Variants in TM9SF3 observed in about 807,000 individuals in gnomAD.
TM9SF3 encodes the protein transmembrane 9 superfamily member 3.
TM9SF3 carries 14 observed loss-of-function variants against 78.6 expected under a neutral mutation model. The ratio of observed to expected loss-of-function variants is 0.18; its 90% CI spans 0.12 to 0.28. The LOEUF (loss-of-function observed/expected upper bound fraction) is 0.28. Ranked by LOEUF, TM9SF3 falls within the 10% of genes least tolerant of loss-of-function variation. The pLI is 1.00. For missense variants in TM9SF3, 496 were observed against 721.9 expected (o/e 0.69, Z 3.59); for synonymous variants, 231 against 241.7 (o/e 0.96, Z 0.41).
intron 10 of TM9SF3, among the ~76,000 whole-genome samples, chr10:96,531,754 T>C (rs926065580): frequency 1.3e-5 from 2 of 152,100 alleles, no homozygotes; most frequent in African/African-American, 4.8e-5. Context: ...TTGCAATGCA[T>C]CTCTGGTGAG....
At chr10:96,568,587 T>C (rs1204198570) in intron 2 of TM9SF3, among the ~76,000 whole-genome samples, 1 of 152,158 alleles carries the variant, frequency 6.6e-6, no homozygotes, top group South Asian at 2.1e-4. Context: ...GAAAAGAAAG[T>C]GGTAATTATT....
chr10:96,560,525 G>C, intron 4 of TM9SF3: 1 of 715,068 alleles, frequency 1.4e-6, no homozygotes, highest in South Asian at 1.3e-5. Context: ...TTAGTGGACA[G>C]CATTTAGTAG....
At chr10:96,568,681 C>T (rs1848405766) in intron 2 of TM9SF3, among the ~76,000 whole-genome samples, 1 of 152,080 alleles carries the variant, frequency 6.6e-6, no homozygotes, top group Non-Finnish European at 1.5e-5. Flanking sequence ...GAGAAACAGT[C>T]TACCTCTAAT....
chr10:96,565,465 G>T, intron 2 of TM9SF3, 39 bp from the exon 3 acceptor site: 1 of 1,501,060 alleles, frequency 6.7e-7, no homozygotes, highest in South Asian at 1.4e-5. Context: ...CCACTAGTTT[G>T]CAAAATAGTT....
chr10:96,549,815 TTTAAAA>T (rs1289847246), intron 7 of TM9SF3, among the ~76,000 whole-genome samples: 2 of 12,164 alleles, frequency 1.6e-4, no homozygotes, highest in Admixed American at 1.4e-3. Flanking sequence ...GCTTCTGCAT[TTTAAAA>T]AAAAAAAAAA....
chr10:96,565,977 T>C (rs2098601794), intron 2 of TM9SF3, among the ~76,000 whole-genome samples: 1 of 152,210 alleles, frequency 6.6e-6, no homozygotes, highest in Non-Finnish European at 1.5e-5. Context: ...CATCACTGTT[T>C]ATAAATTGCC....
intron 5 of TM9SF3, among the ~76,000 whole-genome samples, 178 bp downstream of exon 5, chr10:96,559,481 T>C (rs1212459088): frequency 6.6e-6 from 1 of 152,234 alleles, no homozygotes; most frequent in Non-Finnish European, 1.5e-5. Context: ...AAGTTTTTGA[T>C]TGCTCCTCTA....
intron 10 of TM9SF3, among the ~76,000 whole-genome samples, chr10:96,530,970 C>G (rs947981405): frequency 3.3e-5 from 5 of 151,976 alleles, no homozygotes; most frequent in Non-Finnish European, 7.4e-5. Flanking sequence ...GGGAAAGAAA[C>G]GAAGAGTCTA....
At chr10:96,539,383 A>T (rs1000662034) in intron 9 of TM9SF3, among the ~76,000 whole-genome samples, 1 of 150,072 alleles carries the variant, frequency 6.7e-6, no homozygotes, top group African/African-American at 2.5e-5. Flanking sequence ...TTAATGCAAC[A>T]TCAATGAATC....
At chr10:96,581,602 T>C (rs769838121) in intron 1 of TM9SF3, among the ~76,000 whole-genome samples, 1 of 152,138 alleles carries the variant, frequency 6.6e-6, no homozygotes, top group Non-Finnish European at 1.5e-5. Flanking sequence ...GAGCTGAAAA[T>C]AGGACAACGA....
intron 1 of TM9SF3, among the ~76,000 whole-genome samples, chr10:96,584,490 T>C (rs776195736): frequency 6.6e-6 from 1 of 152,196 alleles, no homozygotes; most frequent in Non-Finnish European, 1.5e-5. Context: ...CCCATAACTG[T>C]TTTTGTTTTT....
At chr10:96,539,383 A>G (rs1000662034) in intron 9 of TM9SF3, among the ~76,000 whole-genome samples, 1 of 150,072 alleles carries the variant, frequency 6.7e-6, no homozygotes, top group African/African-American at 2.5e-5. Context: ...TTAATGCAAC[A>G]TCAATGAATC....
At chr10:96,562,732 G>A (rs1250404180) in intron 3 of TM9SF3, among the ~76,000 whole-genome samples, 1 of 152,124 alleles carries the variant, frequency 6.6e-6, no homozygotes, top group East Asian at 1.9e-4. Context: ...TAAGGATACA[G>A]TTTAAAATTA....
At chr10:96,577,638 G>A (rs1308747137) in intron 1 of TM9SF3, 1 of 152,086 alleles carries the variant, frequency 6.6e-6, no homozygotes, top group Non-Finnish European at 1.5e-5. Context: ...ATTCTAAGTA[G>A]CAGTATAAAT....
In TM9SF3 at chr10:96,518,924, CTATT is replaced by C. The variant is rs1391462203; in HGVS notation, c.*3335_*3338del. On this transcript the variant is annotated 3_prime_UTR_variant, in exon 15 of 15. Transcript: ENST00000371142. ...CTTGTGTTTTAATACATCACTACTCCTATTTATTACATGTTCCAATAAACCAATA... is the reference window on the plus strand; with the variant it reads ...CTTGTGTTTTAATACATCACTACTCCTATTACATGTTCCAATAAACCAATA... 7.9e-5 allele frequency: 12 copies of C among 152,006 alleles called. No homozygotes were observed. The highest frequency in any genetic ancestry group is 5.9e-5 in the Non-Finnish European group (4 of 67,920). 9.4% of individuals were successfully genotyped at this position (152,006 alleles called of 1,614,324 possible). A position where few individuals can be genotyped will look rare whatever the true frequency, so the allele number is the denominator to read the frequency against.
intron 9 of TM9SF3, among the ~76,000 whole-genome samples, chr10:96,542,097 T>C (rs956815680): frequency 6.6e-6 from 1 of 152,248 alleles, no homozygotes; most frequent in African/African-American, 2.4e-5. Context: ...TCCTTCAGAA[T>C]GTCAAGAAGT....
At chr10:96,534,217 A>C (rs938329690) in intron 9 of TM9SF3, among the ~76,000 whole-genome samples, 1 of 152,174 alleles carries the variant, frequency 6.6e-6, no homozygotes, top group Non-Finnish European at 1.5e-5. Context: ...TTTTTAAACA[A>C]GCCAAAGGGT....
At chr10:96,541,956 T>A (rs1367880964) in intron 9 of TM9SF3, among the ~76,000 whole-genome samples, 1 of 152,184 alleles carries the variant, frequency 6.6e-6, no homozygotes, top group Non-Finnish European at 1.5e-5. Flanking sequence ...CACTACAGAT[T>A]GGGTTTAAAG....
intron 1 of TM9SF3, among the ~76,000 whole-genome samples, chr10:96,583,960 G>A (rs940551919): frequency 6.7e-6 from 1 of 149,446 alleles, no homozygotes; most frequent in Non-Finnish European, 1.5e-5. Flanking sequence ...CTTGAACCCA[G>A]GAGGCAGAGA....
Sources: gnomAD v4.1 joint callset for allele counts (sites outside exome capture counted in the v4.1 genomes callset) on GRCh38, gnomAD v4.1.1 for gene constraint, MANE v1.5 for transcripts, NCBI Gene and HGNC (gene_info 2026-07-23, HGNC 2026-07-21) for gene names.